Variants in MAP2K4 observed in about 807,000 individuals in gnomAD.
MAP2K4 encodes mitogen-activated protein kinase kinase 4, also known as dual specificity mitogen-activated protein kinase kinase 4.
A neutral mutation model predicts 48.5 loss-of-function variants in MAP2K4; 4 were observed. That is an observed-to-expected ratio of 0.08 (90% confidence interval 0.04 to 0.19). The LOEUF is 0.19. Among genes scored for constraint, MAP2K4 ranks in the 10% least tolerant of loss-of-function variants. MAP2K4 has a pLI of 1.00. For missense variants in MAP2K4, 258 were observed against 493.3 expected (o/e 0.52, Z 4.52); for synonymous variants, 166 against 173.1 (o/e 0.96, Z 0.32).
At chr17:12,104,688 C>T (rs1003937767) in intron 4 of MAP2K4, among the ~76,000 whole-genome samples, 4 of 151,736 alleles carry the variant, frequency 2.6e-5, no homozygotes, top group Non-Finnish European at 5.9e-5. Flanking sequence ...ATGTTTTTGT[C>T]TCTTATTTTT....
chr17:12,132,591 G>C (rs963666986), intron 9 of MAP2K4, among the ~76,000 whole-genome samples: 1 of 150,546 alleles, frequency 6.6e-6, no homozygotes, highest in Admixed American at 6.6e-5. Flanking sequence ...TGTCTGCTTC[G>C]ATTAAAAGTT....
intron 9 of MAP2K4, among the ~76,000 whole-genome samples, chr17:12,137,487 A>G (rs1387122096): frequency 6.6e-6 from 1 of 152,232 alleles, no homozygotes; most frequent in East Asian, 1.9e-4. Context: ...CTGTTGATAT[A>G]AAAGACACAA....
chr17:12,113,419 T>TTTTG, intron 7 of MAP2K4, 59 bp downstream of exon 7: 1 of 1,578,618 alleles, frequency 6.3e-7, no homozygotes, highest in Non-Finnish European at 8.6e-7. Flanking sequence ...GCCTGTGCTC[T>TTTTG]TTTGTGCTGG....
At chr17:12,089,069 G>A (rs1465064196) in intron 3 of MAP2K4, among the ~76,000 whole-genome samples, 1 of 151,842 alleles carries the variant, frequency 6.6e-6, no homozygotes, top group African/African-American at 2.4e-5. Context: ...ACGCCACCAC[G>A]CCTGGCTAAT....
At chr17:12,051,568 G>C (rs940411647) in intron 1 of MAP2K4, among the ~76,000 whole-genome samples, 40 of 152,114 alleles carry the variant, frequency 2.6e-4, no homozygotes. Context: ...TCCCACCAAA[G>C]GGGTTATTAT....
intron 1 of MAP2K4, chr17:12,021,362 C>T (rs1412616124): frequency 6.4e-6 from 1 of 156,852 alleles, no homozygotes; most frequent in East Asian, 1.8e-4. Flanking sequence ...AACGCGCCGG[C>T]TCGGGGCTGC....
At chr17:12,131,234 C>CTTTTTTTT (rs11307653) in intron 9 of MAP2K4, among the ~76,000 whole-genome samples, 7 of 130,934 alleles carry the variant, frequency 5.3e-5, no homozygotes, top group African/African-American at 5.6e-5. Context: ...GGTCACATTT[C>CTTTTTTTT]TTTTTTTTTT....
rs1247920432 is a variant in MAP2K4 at position 12,081,595 on chromosome 17, T to TA, written c.393+66dup. 1 of 1,493,684 alleles carries TA rather than the reference T, an allele frequency of 6.7e-7. No individual in the cohort carries two copies. The highest frequency in any genetic ancestry group is 2.3e-5 in the East Asian group (1 of 43,606). The allele number at this position is 1,493,684 out of a possible 1,614,324, so 92.5% of individuals were successfully genotyped here. The stretch of plus-strand genomic sequence containing the variant: ...TAGGTGAAATTTCATGGTGCAGTAA[T>TA]ACCACTGTTGTTGTGTTCCTACTTT... On this transcript the variant is annotated intron_variant, in intron 3 of 10. Transcript: ENST00000353533. This position sits in a 1 kb window ranked among gnomAD's most constrained non-coding sequence, Gnocchi z 4.2.
intron 2 of MAP2K4, among the ~76,000 whole-genome samples, chr17:12,072,401 A>C (rs193242914): frequency 1.3e-5 from 2 of 152,308 alleles, no homozygotes; most frequent in East Asian, 3.9e-4. Context: ...AAATTCTGTT[A>C]GTCTGTGACC....
At chr17:12,088,701 G>T (rs539710185) in intron 3 of MAP2K4, among the ~76,000 whole-genome samples, 1 of 148,560 alleles carries the variant, frequency 6.7e-6, no homozygotes, top group East Asian at 2.0e-4. Context: ...CTGTGGAGAG[G>T]AGGTCCCATG....
intron 6 of MAP2K4, among the ~76,000 whole-genome samples, chr17:12,111,529 G>A (rs1434565963): frequency 3.7e-4 from 55 of 149,718 alleles, no homozygotes; most frequent in Non-Finnish European, 1.2e-4. Context: ...AATTATGAGA[G>A]TAGCACCTTT....
intron 2 of MAP2K4, among the ~76,000 whole-genome samples, chr17:12,065,160 T>C (rs1970568284): frequency 6.6e-6 from 1 of 151,962 alleles, no homozygotes; most frequent in Non-Finnish European, 1.5e-5. Context: ...TCAAAACTCA[T>C]TGAGCCACAT....
At chr17:12,058,237 T>TC (rs2151528740) in intron 2 of MAP2K4, among the ~76,000 whole-genome samples, 1 of 151,774 alleles carries the variant, frequency 6.6e-6, no homozygotes, top group East Asian at 1.9e-4. Context: ...CTTTTTTTTT[T>TC]TTTTTTTTTA....
At chr17:12,082,299 TG>T (rs1191681238) in intron 3 of MAP2K4, among the ~76,000 whole-genome samples, 28 of 152,192 alleles carry the variant, frequency 1.8e-4, no homozygotes, top group Admixed American at 1.8e-3. Flanking sequence ...AACAAATCTT[TG>T]CTGTATGTAA....
rs188664576 is a variant in MAP2K4 at position 12,083,517 on chromosome 17, G to A, written c.393+1987G>A. 1.2e-3 allele frequency among the ~76,000 whole-genome samples: 187 copies of A among 152,308 alleles called. 1 individual carries two copies. Among genetic ancestry groups the A allele is most frequent in the African/African-American group, 4.1e-3 (170 of 41,562 alleles). On this transcript the variant is annotated intron_variant, in intron 3 of 10. Coordinates refer to ENST00000353533, the MANE Select transcript of MAP2K4 (RefSeq NM_003010.4). The stretch of plus-strand genomic sequence containing the variant: ...ACTACCTAGCTTCGTTTACCATCTC[G>A]AATTCTTGAACAAGCATAGCAGTTG...
At chr17:12,068,738 C>T (rs1970693596) in intron 2 of MAP2K4, among the ~76,000 whole-genome samples, 1 of 150,896 alleles carries the variant, frequency 6.6e-6, no homozygotes, top group Admixed American at 6.6e-5. Context: ...GATATCAAAA[C>T]ATACATATAT....
At chr17:12,022,511 G>A (rs1414300401) in intron 1 of MAP2K4, among the ~76,000 whole-genome samples, 5 of 152,144 alleles carry the variant, frequency 3.3e-5, no homozygotes, top group Non-Finnish European at 7.4e-5. Context: ...TGTATTTCTT[G>A]TTCCAGATGG....
chr17:12,086,331 AAGT>A (rs1971361131), intron 3 of MAP2K4, among the ~76,000 whole-genome samples: 7 of 152,142 alleles, frequency 4.6e-5, no homozygotes, highest in Admixed American at 4.6e-4. Context: ...TGAAAAGTGT[AAGT>A]AGAGCATTTC....
At chr17:12,118,280 G>A (rs749211204) in intron 7 of MAP2K4, among the ~76,000 whole-genome samples, 5 of 152,118 alleles carry the variant, frequency 3.3e-5, no homozygotes, top group Non-Finnish European at 7.3e-5. Flanking sequence ...TGATGAGACA[G>A]CCCCTGCAAG....
Sources: allele counts gnomAD v4.1 joint callset (sites outside exome capture counted in the v4.1 genomes callset), GRCh38; gene constraint gnomAD v4.1.1; non-coding constraint Gnocchi (gnomAD v3.1); transcripts MANE v1.5; gene names NCBI Gene and HGNC (gene_info 2026-07-23, HGNC 2026-07-21).